TRPS1: variants seen among roughly 807,000 people sequenced by gnomAD.
TRPS1 encodes the protein zinc finger transcription factor Trps1.
TRPS1 carries 6 observed loss-of-function variants against 101.2 expected under a neutral mutation model. The observed-to-expected ratio is 0.06, with a 90% CI of 0.03 to 0.12. The LOEUF (loss-of-function observed/expected upper bound fraction) is 0.12, where lower values mean the gene tolerates loss of function less well. Among genes scored for constraint, TRPS1 ranks in the 10% least tolerant of loss-of-function variants. The pLI, the probability that TRPS1 is intolerant of heterozygous loss-of-function variation, is 1.00. For synonymous variants in TRPS1, 578 were observed against 589.8 expected (o/e 0.98, Z 0.29); for missense variants, 1,363 against 1,567.0 (o/e 0.87, Z 2.20).
intron 5 of TRPS1, among the ~76,000 whole-genome samples, chr8:115,548,602 G>A (rs1816633720): frequency 6.6e-6 from 1 of 152,068 alleles, no homozygotes; most frequent in Non-Finnish European, 1.5e-5. Flanking sequence ...TTCATTTGGA[G>A]GAAACCTGAG....
chr8:115,628,357 G>C (rs1318373814), intron 1 of TRPS1, among the ~76,000 whole-genome samples: 1 of 151,626 alleles, frequency 6.6e-6, no homozygotes. Context: ...ACAAAATTTG[G>C]TTTAGCTACC....
chr8:115,505,913 A>G (rs1033173530), intron 5 of TRPS1, among the ~76,000 whole-genome samples: 1 of 147,086 alleles, frequency 6.8e-6, no homozygotes, highest in African/African-American at 2.5e-5. Flanking sequence ...TAAAAGTTGT[A>G]TCTCCTAATT....
chr8:115,583,642 G>T (rs1422987109), intron 5 of TRPS1, among the ~76,000 whole-genome samples: 1 of 151,862 alleles, frequency 6.6e-6, no homozygotes, highest in African/African-American at 2.4e-5. Context: ...AAATTTTGTA[G>T]AAATATTGTG....
intron 6 of TRPS1, among the ~76,000 whole-genome samples, chr8:115,416,818 T>C (rs557440884): frequency 6.6e-6 from 1 of 152,198 alleles, no homozygotes; most frequent in Non-Finnish European, 1.5e-5. Flanking sequence ...TTATGCCATG[T>C]GCATTTCTTT....
rs759704687 is a variant in TRPS1 at position 115,604,585 on chromosome 8, G to A, written c.1384C>T (p.Leu462Phe). The change falls in exon 4 of 7, where the codon CTT becomes TTT. Residue 462 changes from leucine (L) to phenylalanine (F), a missense_variant. Leu to Phe is a conservative substitution (Grantham distance 22, BLOSUM62 0). Coordinates refer to ENST00000395715, the MANE Select transcript of TRPS1 (RefSeq NM_014112.5). The surrounding 1 kb of genome is among the most constrained non-coding windows in gnomAD (Gnocchi z 4.1). ...CSFSCESSSS[L>F]KLLEHYGKQH... ...TTGCCATAATGTTCTAGCAGTTTAA[G>A]TGAGCTAGATGACTCACAGCTGAAA... 4.3e-6 allele frequency: 7 copies of A among 1,613,922 alleles called. No homozygotes were observed. In the Admixed American group the frequency reaches 6.7e-5, roughly 15 times the overall value.
chr8:115,597,229 A>T (rs1817808037), intron 4 of TRPS1, among the ~76,000 whole-genome samples: 1 of 152,012 alleles, frequency 6.6e-6, no homozygotes, highest in South Asian at 2.1e-4. Context: ...AAATTTTGCC[A>T]AATTTGCCTT....
intron 1 of TRPS1, among the ~76,000 whole-genome samples, chr8:115,640,542 T>C (rs1378768416): frequency 6.6e-6 from 1 of 152,182 alleles, no homozygotes; most frequent in African/African-American, 2.4e-5. Context: ...TTGTTCGTGT[T>C]CACAGGAATA....
intron 5 of TRPS1, among the ~76,000 whole-genome samples, chr8:115,526,129 T>C (rs113299182): frequency 0.032 from 4,853 of 152,144 alleles, 247 homozygotes; most frequent in African/African-American, 0.11. Context: ...GCCAACACGG[T>C]GAAACCCCAT....
At chr8:115,474,935 A>G (rs2130031646) in intron 5 of TRPS1, among the ~76,000 whole-genome samples, 1 of 152,194 alleles carries the variant, frequency 6.6e-6, no homozygotes, top group Non-Finnish European at 1.5e-5. Flanking sequence ...GAAAAAAATT[A>G]TGGGTTCCCA....
intron 5 of TRPS1, among the ~76,000 whole-genome samples, chr8:115,450,156 A>G (rs1813832509): frequency 6.6e-6 from 1 of 152,206 alleles, no homozygotes; most frequent in Non-Finnish European, 1.5e-5. Context: ...ACTATTCCAG[A>G]GTTTTCTTAC....
chr8:115,622,720 C>T (rs528615082), intron 2 of TRPS1, among the ~76,000 whole-genome samples: 5 of 151,984 alleles, frequency 3.3e-5, no homozygotes, highest in Non-Finnish European at 7.4e-5. Context: ...AATAAGGTTA[C>T]ACACACAAAA....
intron 5 of TRPS1, among the ~76,000 whole-genome samples, chr8:115,457,366 G>T (rs1406259431): frequency 6.6e-6 from 1 of 152,116 alleles, no homozygotes; most frequent in Non-Finnish European, 1.5e-5. Context: ...GTCACAGAAA[G>T]ACAAGTATAT....
chr8:115,519,503 T>C (rs1446390616), intron 5 of TRPS1, among the ~76,000 whole-genome samples: 1 of 151,586 alleles, frequency 6.6e-6, no homozygotes, highest in Non-Finnish European at 1.5e-5. Flanking sequence ...TCCATTTCGA[T>C]AGATGATCAT....
At chr8:115,606,378 T>C (rs1226471593) in intron 3 of TRPS1, among the ~76,000 whole-genome samples, 1 of 152,246 alleles carries the variant, frequency 6.6e-6, no homozygotes, top group Non-Finnish European at 1.5e-5. Context: ...TCCAGTATTA[T>C]AGTTCTAAGA....
At position 115,591,245 on chromosome 8, in the gene TRPS1, T is replaced by C. The variant is rs568999989; in HGVS notation, c.2097-3641A>G. On this transcript the variant is annotated intron_variant, in intron 4 of 6. Transcript: ENST00000395715. ...GGGAGGTAAGGATGTTTTATGAATG[T>C]ATTCATTAAAGTTGTTTAGAACATG... Among the ~76,000 whole-genome samples, 31 of 152,370 alleles carry C rather than the reference T, an allele frequency of 2.0e-4. 1 individual carries two copies. Among genetic ancestry groups the C allele is most frequent in the Admixed American group, 3.3e-4 (5 of 15,304 alleles).
At chr8:115,570,337 A>G (rs1229482431) in intron 5 of TRPS1, among the ~76,000 whole-genome samples, 2 of 152,104 alleles carry the variant, frequency 1.3e-5, no homozygotes, top group African/African-American at 2.4e-5. Flanking sequence ...TTATAATCTT[A>G]ATGGTAGAAA....
intron 5 of TRPS1, among the ~76,000 whole-genome samples, chr8:115,535,510 G>A (rs549097071): frequency 7.5e-5 from 11 of 146,712 alleles, no homozygotes; most frequent in Non-Finnish European, 1.2e-4. Flanking sequence ...TATATATAGC[G>A]CATATATATA....
chr8:115,586,548 T>A (rs1008502091), intron 5 of TRPS1, among the ~76,000 whole-genome samples: 1 of 152,260 alleles, frequency 6.6e-6, no homozygotes, highest in Non-Finnish European at 1.5e-5. Flanking sequence ...TATTTTGGTA[T>A]GAACATCTCA....
At chr8:115,561,470 G>GTTT (rs11390151) in intron 5 of TRPS1, among the ~76,000 whole-genome samples, 3 of 146,836 alleles carry the variant, frequency 2.0e-5, no homozygotes, top group African/African-American at 7.4e-5. Flanking sequence ...TTAATCTTGT[G>GTTT]TTTTTTTTTT....
Sources: allele counts gnomAD v4.1 joint callset (sites outside exome capture counted in the v4.1 genomes callset), GRCh38; gene constraint gnomAD v4.1.1; non-coding constraint Gnocchi (gnomAD v3.1); transcripts MANE v1.5; gene names NCBI Gene and HGNC (gene_info 2026-07-23, HGNC 2026-07-21).